GABRB1: variants seen among roughly 807,000 people sequenced by gnomAD.
The protein encoded by GABRB1 is gamma-aminobutyric acid receptor subunit beta-1.
A neutral mutation model predicts 51.6 loss-of-function variants in GABRB1; 17 were observed. That is an observed-to-expected ratio of 0.33 (90% CI 0.23 to 0.49). GABRB1 has a LOEUF of 0.49. Among genes scored for constraint, GABRB1 ranks in the 20% least tolerant of loss-of-function variants. The pLI is 0.99. For synonymous variants in GABRB1, 247 were observed against 218.9 expected, an observed-to-expected ratio of 1.13 and a Z score of -1.14; for missense variants, 410 against 600.6, an observed-to-expected ratio of 0.68 and a Z score of 3.32.
chr4:47,280,429 A>G (rs1340640882), intron 4 of GABRB1, among the ~76,000 whole-genome samples: 2 of 151,304 alleles, frequency 1.3e-5, no homozygotes, highest in African/African-American at 4.8e-5. Context: ...TCACACCACT[A>G]TTACATTATA....
At chr4:47,191,614 CAG>C (rs1302767233) in intron 4 of GABRB1, among the ~76,000 whole-genome samples, 1 of 151,972 alleles carries the variant, frequency 6.6e-6, no homozygotes, top group Non-Finnish European at 1.5e-5. Flanking sequence ...CCTTAGATAA[CAG>C]TGTTTTCACT....
At chr4:47,199,213 T>C (rs1260885083) in intron 4 of GABRB1, among the ~76,000 whole-genome samples, 1 of 152,040 alleles carries the variant, frequency 6.6e-6, no homozygotes, top group Non-Finnish European at 1.5e-5. Context: ...ACTTGATGAG[T>C]TGAAAAATTC....
chr4:47,327,907 A>T (rs1725314592), intron 5 of GABRB1, among the ~76,000 whole-genome samples: 1 of 152,190 alleles, frequency 6.6e-6, no homozygotes, highest in Non-Finnish European at 1.5e-5. Context: ...CAATGGTTGA[A>T]CTAGTTTACA....
At chr4:47,372,036 G>A (rs912548828) in intron 5 of GABRB1, among the ~76,000 whole-genome samples, 5 of 152,096 alleles carry the variant, frequency 3.3e-5, no homozygotes, top group African/African-American at 1.2e-4. Context: ...GAATGGTATT[G>A]CCAAGATCTT....
chr4:47,311,638 C>T (rs1309289325), intron 4 of GABRB1, among the ~76,000 whole-genome samples: 2 of 152,066 alleles, frequency 1.3e-5, no homozygotes, highest in African/African-American at 4.8e-5. Flanking sequence ...CCTGCTAACA[C>T]CTTGATTTTA....
chr4:47,239,062 A>T (rs1194086942), intron 4 of GABRB1, among the ~76,000 whole-genome samples: 1 of 152,078 alleles, frequency 6.6e-6, no homozygotes, highest in East Asian at 1.9e-4. Flanking sequence ...TTTATGATGT[A>T]TTTTTTTAAC....
At chr4:46,994,660 A>T (rs141798109) in intron 1 of GABRB1, among the ~76,000 whole-genome samples, 3 of 152,194 alleles carry the variant, frequency 2.0e-5, no homozygotes, top group African/African-American at 7.2e-5. Context: ...CTGAGCAAAG[A>T]TAAGCATTCC....
intron 4 of GABRB1, among the ~76,000 whole-genome samples, chr4:47,166,588 TTTA>T (rs1308786191): frequency 6.6e-6 from 1 of 152,130 alleles, no homozygotes; most frequent in Non-Finnish European, 1.5e-5. Flanking sequence ...AGTAAGTCTT[TTTA>T]TTAGTAAGGT....
chr4:47,164,924 C>A (rs1718109703), intron 4 of GABRB1, among the ~76,000 whole-genome samples: 1 of 152,020 alleles, frequency 6.6e-6, no homozygotes, highest in Admixed American at 6.6e-5. Flanking sequence ...GCCCTTAGGT[C>A]ACCCTCCTGT....
At chr4:47,399,244 T>C (rs1728298506) in intron 5 of GABRB1, among the ~76,000 whole-genome samples, 1 of 152,244 alleles carries the variant, frequency 6.6e-6, no homozygotes, top group African/African-American at 2.4e-5. Context: ...CTAGATTTTC[T>C]AATGTTAAAC....
intron 4 of GABRB1, among the ~76,000 whole-genome samples, chr4:47,246,329 CAT>C (rs1233122369): frequency 3.4e-4 from 10 of 29,030 alleles, no homozygotes; most frequent in Non-Finnish European, 5.4e-4. Context: ...CACACACACA[CAT>C]ATGTACATAT....
At chr4:47,263,789 C>G (rs566171117) in intron 4 of GABRB1, among the ~76,000 whole-genome samples, 1 of 152,162 alleles carries the variant, frequency 6.6e-6, no homozygotes, top group South Asian at 2.1e-4. Flanking sequence ...TGTATCTATA[C>G]AAATAGATAG....
chr4:47,053,577 C>A (rs1726455710), intron 3 of GABRB1, among the ~76,000 whole-genome samples: 1 of 152,210 alleles, frequency 6.6e-6, no homozygotes, highest in African/African-American at 2.4e-5. Flanking sequence ...TTTGAGAGAA[C>A]ATAAACATTC....
chr4:47,025,459 T>C (rs2109457015), intron 1 of GABRB1, among the ~76,000 whole-genome samples: 1 of 152,100 alleles, frequency 6.6e-6, no homozygotes, highest in East Asian at 1.9e-4. Flanking sequence ...TGTATTGTGA[T>C]TTCGATTTGC....
chr4:47,223,315 T>C (rs1025153402), intron 4 of GABRB1, among the ~76,000 whole-genome samples: 5 of 152,068 alleles, frequency 3.3e-5, no homozygotes, highest in African/African-American at 1.2e-4. Context: ...TATGGGAGTG[T>C]GTATGTGCGA....
Position 47,406,836 on chromosome 4 carries a change from C to A in GABRB1, c.990C>A (p.Ile330=), listed in dbSNP as rs763656247. 123 of 1,613,970 alleles carry A rather than the reference C, an allele frequency of 7.6e-5. No individual in the cohort carries two copies. The highest frequency in any genetic ancestry group is 9.8e-5 in the Non-Finnish European group (116 of 1,180,000). Residue 330 remains isoleucine (I), a synonymous_variant, in exon 8 of 9, where the codon ATC becomes ATA. Coordinates refer to ENST00000295454, the MANE Select transcript of GABRB1 (RefSeq NM_000812.4). ...ALLEYAFVNY[I]FFGKGPQKKG... ...TGGAGTATGCCTTTGTAAATTACAT[C>A]TTCTTTGGGAAAGGCCCTCAGAAAA...
intron 5 of GABRB1, among the ~76,000 whole-genome samples, chr4:47,323,941 G>T (rs969178790): frequency 6.6e-6 from 1 of 152,160 alleles, no homozygotes; most frequent in African/African-American, 2.4e-5. Context: ...AAGGAATTTA[G>T]TCTAAAGCGT....
At chr4:47,062,292 A>C (rs1465796986) in intron 3 of GABRB1, among the ~76,000 whole-genome samples, 1 of 151,506 alleles carries the variant, frequency 6.6e-6, no homozygotes, top group African/African-American at 2.4e-5. Flanking sequence ...TCAAGTCGGA[A>C]GCAATGTCTT....
intron 5 of GABRB1, among the ~76,000 whole-genome samples, chr4:47,379,857 A>G (rs1388826395): frequency 6.6e-6 from 1 of 152,190 alleles, no homozygotes; most frequent in Non-Finnish European, 1.5e-5. Flanking sequence ...CTGCCCTAAC[A>G]AGGCTTGTGA....
Sources: allele counts gnomAD v4.1 joint callset (sites outside exome capture counted in the v4.1 genomes callset), GRCh38; gene constraint gnomAD v4.1.1; transcripts MANE v1.5; gene names NCBI Gene and HGNC (gene_info 2026-07-23, HGNC 2026-07-21).